The following CCSER2 variants were observed in gnomAD, a reference collection of about 807,000 sequenced individuals.
The protein encoded by CCSER2 is coiled-coil serine rich protein 2.
Under a neutral mutation model 92.3 loss-of-function variants are expected in CCSER2, and 46 were observed. The observed-to-expected ratio is 0.50, with a 90% CI of 0.39 to 0.64. The LOEUF (loss-of-function observed/expected upper bound fraction) is 0.64. Ranked by LOEUF, CCSER2 falls within the 30% of genes least tolerant of loss-of-function variation. The pLI is 0.00. For synonymous variants in CCSER2, 433 were observed against 431.4 expected, an observed-to-expected ratio of 1.00 and a Z score of -0.04; for missense variants, 1,244 against 1,238.9, an observed-to-expected ratio of 1.00 and a Z score of -0.06.
intron 5 of CCSER2, among the ~76,000 whole-genome samples, chr10:84,428,388 C>T (rs1843557550): frequency 6.6e-6 from 1 of 152,176 alleles, no homozygotes; most frequent in South Asian, 2.1e-4. Flanking sequence ...GCTGATACGA[C>T]AGGAGGTGGA....
Position 84,483,711 on chromosome 10 carries a change from C to T in CCSER2, c.2325+6047C>T, listed in dbSNP as rs1377560559. On this transcript the variant is annotated intron_variant, in intron 9 of 9. Transcript: ENST00000372088. ...CTCCCCCAAATCCATTTTCTTAGAC[C>T]ATATTCTTTCCTGATTTGGAAATGG... 2.6e-5 allele frequency among the ~76,000 whole-genome samples: 4 copies of T among 151,376 alleles called. No individual in the cohort carries two copies. The East Asian group carries it at 5.8e-4, about 22-fold the overall frequency.
chr10:84,479,537 G>A lies in CCSER2; in HGVS notation c.2325+1873G>A, dbSNP rs190212868. Among the ~76,000 whole-genome samples, 203 of 152,302 alleles carry A rather than the reference G, an allele frequency of 1.3e-3. 1 individual carries two copies. The highest frequency in any genetic ancestry group is 2.2e-3 in the Non-Finnish European group (148 of 68,020). On this transcript the variant is annotated intron_variant, in intron 9 of 9. Transcript: ENST00000372088. ...GAGGAAGAAATATAGTAGTAGAAAA[G>A]GGGAAAGGAGGAAAAGCAGATATTC...
chr10:84,361,414 A>T (rs1845492596), intron 1 of CCSER2, among the ~76,000 whole-genome samples: 1 of 152,152 alleles, frequency 6.6e-6, no homozygotes, highest in South Asian at 2.1e-4. Flanking sequence ...TTTGAAGATT[A>T]TCTGGCTCTT....
intron 5 of CCSER2, among the ~76,000 whole-genome samples, chr10:84,428,987 A>G (rs11201032): frequency 0.086 from 2,038 of 23,574 alleles, 69 homozygotes; most frequent in East Asian, 0.52. Flanking sequence ...GTGTATGTGT[A>G]TATATATATA....
intron 6 of CCSER2, among the ~76,000 whole-genome samples, chr10:84,446,637 A>AACTTAGAATGTTT (rs1335697940): frequency 1.3e-5 from 2 of 152,190 alleles, no homozygotes; most frequent in Non-Finnish European, 2.9e-5. Context: ...TATACAACAT[A>AACTTAGAATGTTT]AGGGTTCAGT....
intron 7 of CCSER2, 50 bp from the exon 8 acceptor site, chr10:84,470,322 C>T: frequency 1.0e-6 from 1 of 1,002,256 alleles, no homozygotes; most frequent in Admixed American, 4.3e-5. Context: ...TTTCATGCCT[C>T]TCATTATGGT....
At chr10:84,356,539 A>T (rs986905914) in intron 1 of CCSER2, among the ~76,000 whole-genome samples, 3 of 152,180 alleles carry the variant, frequency 2.0e-5, no homozygotes, top group Admixed American at 2.0e-4. Context: ...TTTTTAAAAA[A>T]ATGTTTTATG....
intron 9 of CCSER2, among the ~76,000 whole-genome samples, chr10:84,507,096 A>G (rs1189593139): frequency 2.0e-5 from 3 of 152,240 alleles, no homozygotes; most frequent in Non-Finnish European, 2.9e-5. Context: ...GTAAGAAAGT[A>G]TAAATCTATT....
chr10:84,492,204 G>A (rs958128893), intron 9 of CCSER2, among the ~76,000 whole-genome samples: 2 of 151,834 alleles, frequency 1.3e-5, no homozygotes, highest in African/African-American at 2.4e-5. Context: ...GCATTATCCC[G>A]GGAGGTGGAT....
rs1849504496 is a variant in CCSER2 at position 84,513,997 on chromosome 10, A to C, written c.2874A>C (p.Ser958=). The change falls in exon 10 of 10, where the codon TCA becomes TCC. Residue 958 remains serine (S), a synonymous_variant. Coordinates refer to ENST00000372088, the MANE Select transcript of CCSER2 (RefSeq NM_001284240.2). ...KKSPIITTCN[S]AKLQPTSSQT... ...CACCAATAATCACAACATGTAATTC[A>C]GCAAAACTTCAGCCAACATCTAGTC... 20 of 1,536,614 alleles carry C rather than the reference A, an allele frequency of 1.3e-5. No homozygotes were observed. The highest frequency in any genetic ancestry group is 1.7e-5 in the Non-Finnish European group (20 of 1,147,052).
chr10:84,391,012 T>TA lies in CCSER2; in HGVS notation c.1614+17198dup. ...CCAGCATAAGAACCTGCTCGTGCTTTACAATGCCTTAGGAACATTAGCAGA... is the reference window on the plus strand; with the variant it reads ...CCAGCATAAGAACCTGCTCGTGCTTTAACAATGCCTTAGGAACATTAGCAGA... On this transcript the variant is annotated intron_variant, in intron 3 of 9. Coordinates refer to ENST00000372088, the MANE Select transcript of CCSER2 (RefSeq NM_001284240.2). The TA allele has an allele frequency of 3.9e-6, 3 of 774,268 alleles. No individual in the cohort carries two copies. The East Asian group carries it at 7.3e-5, about 19-fold the overall frequency. 48.0% of individuals were successfully genotyped at this position (774,268 alleles called of 1,614,324 possible).
intron 6 of CCSER2, among the ~76,000 whole-genome samples, chr10:84,449,140 C>T (rs112438708): frequency 1.4e-4 from 21 of 152,134 alleles, no homozygotes; most frequent in Middle Eastern, 3.4e-3. Flanking sequence ...TTTGGGAGGC[C>T]GAGGTAGGTG....
Position 84,373,742 on chromosome 10 carries a change from A to C in CCSER2, c.1541A>C (p.Asp514Ala). 1 of 1,613,806 alleles carries C rather than the reference A, an allele frequency of 6.2e-7. No individual in the cohort carries two copies. Among genetic ancestry groups the C allele is most frequent in the Non-Finnish European group, 8.5e-7 (1 of 1,179,794 alleles). Residue 514 changes from aspartate (D) to alanine (A), a missense_variant, in exon 3 of 10, where the codon GAT (aspartate) becomes GCT (alanine). Asp to Ala is a moderately radical substitution (Grantham distance 126). Coordinates refer to ENST00000372088, the MANE Select transcript of CCSER2 (RefSeq NM_001284240.2). ...AGCTCTGATGGAACATACATGTGGG[A>C]TGAAGAAGGCTTGGAACCCATTGGA... ...SDSSDGTYMWDEEGLEPIGNV... is the reference protein window; with the variant it reads ...SDSSDGTYMWAEEGLEPIGNV...
intron 1 of CCSER2, among the ~76,000 whole-genome samples, chr10:84,352,162 G>A (rs1844896683): frequency 6.6e-6 from 1 of 152,054 alleles, no homozygotes; most frequent in Non-Finnish European, 1.5e-5. Flanking sequence ...AAATTAGCTG[G>A]GTGTGGTGGC....
intron 1 of CCSER2, among the ~76,000 whole-genome samples, chr10:84,360,279 T>G (rs1481211884): frequency 6.6e-6 from 1 of 152,162 alleles, no homozygotes; most frequent in Non-Finnish European, 1.5e-5. Context: ...TTTAATGGAG[T>G]GTTTCAGATT....
At chr10:84,329,303 T>G (rs865878415) in intron 1 of CCSER2, among the ~76,000 whole-genome samples, 1 of 152,254 alleles carries the variant, frequency 6.6e-6, no homozygotes, top group Non-Finnish European at 1.5e-5. Flanking sequence ...TTTAGACATG[T>G]ATTTTCATAC....
intron 9 of CCSER2, among the ~76,000 whole-genome samples, chr10:84,501,834 A>AATATAT (rs1554868293): frequency 1.2e-4 from 5 of 40,168 alleles, no homozygotes; most frequent in Non-Finnish European, 2.4e-4. Flanking sequence ...AAAAAAAAAA[A>AATATAT]ATATATATAT....
intron 7 of CCSER2, among the ~76,000 whole-genome samples, chr10:84,469,240 T>C (rs1452054078): frequency 6.6e-6 from 1 of 152,174 alleles, no homozygotes; most frequent in Admixed American, 6.5e-5. Context: ...AATGTGTCCT[T>C]CTAAATGTAT....
chr10:84,463,205 C>CT (rs999177029), intron 6 of CCSER2, among the ~76,000 whole-genome samples: 51 of 152,196 alleles, frequency 3.4e-4, no homozygotes, highest in African/African-American at 1.2e-3. Flanking sequence ...TTATTTCAGC[C>CT]TTTTTTGAGG....
Sources: gnomAD v4.1 joint callset for allele counts (sites outside exome capture counted in the v4.1 genomes callset) on GRCh38, gnomAD v4.1.1 for gene constraint, MANE v1.5 for transcripts, NCBI Gene and HGNC (gene_info 2026-07-23, HGNC 2026-07-21) for gene names.